The following NRIP3 variants were observed in gnomAD, a reference collection of about 807,000 sequenced individuals.
NRIP3 encodes the protein nuclear receptor-interacting protein 3.
In NRIP3, 31 loss-of-function variants were observed where a neutral mutation model predicts 29.0. The observed-to-expected ratio is 1.07, with a 90% CI of 0.80 to 1.44. NRIP3 has a LOEUF of 1.44. Ranked by LOEUF, NRIP3 falls within the 40% of genes most tolerant of loss-of-function variation. NRIP3 has a pLI of 0.00. For synonymous variants in NRIP3, 131 were observed against 118.3 expected (o/e 1.11, Z -0.70); for missense variants, 314 against 297.9 (o/e 1.05, Z -0.40).
intron 4 of NRIP3, among the ~76,000 whole-genome samples, chr11:8,985,164 ATTTTTTTTTT>A (rs35528175): frequency 1.3e-5 from 1 of 79,378 alleles, no homozygotes; most frequent in East Asian, 3.5e-4. Flanking sequence ...TGCTCCTTGA[ATTTTTTTTTT>A]TTTTTTTTTT....
At chr11:8,995,923 C>A (rs900784706) in intron 1 of NRIP3, among the ~76,000 whole-genome samples, 2 of 152,192 alleles carry the variant, frequency 1.3e-5, no homozygotes, top group African/African-American at 4.8e-5. Flanking sequence ...CACTGGCTGT[C>A]CCCTCTGCCT....
chr11:8,988,260 C>A lies in NRIP3; in HGVS notation c.197G>T (p.Arg66Met). ...AGACAGGTTGGTTTCCATGAGGCGC[C>A]TCTGCAGAATATTATGAGGTTGCTT... ...KDMQPHNILQ[R>M]RLMETNLSKL... The change falls in exon 2 of 7, where the codon AGG becomes ATG. Residue 66 changes from arginine to methionine, a missense_variant. Physicochemically the swap from Arg to Met is moderately conservative, Grantham distance 91. Coordinates refer to ENST00000309166, the MANE Select transcript of NRIP3 (RefSeq NM_020645.3). 1.2e-6 allele frequency: 2 copies of A among 1,613,966 alleles called. No individual in the cohort carries two copies. The highest frequency in any genetic ancestry group is 1.7e-6 in the Non-Finnish European group (2 of 1,179,890).
At chr11:9,002,224 T>C (rs965094035) in intron 1 of NRIP3, among the ~76,000 whole-genome samples, 1 of 152,206 alleles carries the variant, frequency 6.6e-6, no homozygotes. Context: ...TCTTTATTGA[T>C]TGCTGAGCAT....
At position 8,988,107 on chromosome 11, in the gene NRIP3, C is replaced by T. The variant is rs769885200; in HGVS notation, c.339+11G>A. ...CAGAAAACCCTGGAAAAGCTGTTCTCAGAACATTACCTGGCAAGAAACCAA... is the reference window on the plus strand; with the variant it reads ...CAGAAAACCCTGGAAAAGCTGTTCTTAGAACATTACCTGGCAAGAAACCAA... On this transcript the variant is annotated intron_variant, in intron 2 of 6. Coordinates refer to ENST00000309166, the MANE Select transcript of NRIP3 (RefSeq NM_020645.3). 17 of 1,613,572 alleles carry T rather than the reference C, an allele frequency of 1.1e-5. No homozygotes were observed. Among genetic ancestry groups the T allele is most frequent in the Non-Finnish European group, 1.4e-5 (17 of 1,179,666 alleles).
At chr11:9,001,085 A>G (rs1210878013) in intron 1 of NRIP3, among the ~76,000 whole-genome samples, 1 of 152,144 alleles carries the variant, frequency 6.6e-6, no homozygotes, top group Non-Finnish European at 1.5e-5. Context: ...AAAATCAAAT[A>G]TAATATTACT....
At chr11:9,004,168 G>T, upstream of NRIP3, 1 of 367,846 alleles carries the variant, frequency 2.7e-6, no homozygotes. Flanking sequence ...GGCAAAGCCG[G>T]CGAGGAGGCG....
chr11:8,983,167 A>G lies in NRIP3; in HGVS notation c.*378T>C, dbSNP rs1419500435. On this transcript the variant is annotated 3_prime_UTR_variant, in exon 7 of 7. Coordinates refer to ENST00000309166, the MANE Select transcript of NRIP3 (RefSeq NM_020645.3). Reference sequence around the variant, plus strand: ...GGAGGTAAAGGTCAGGTTCCTGTTTATTATACATTTAGCTATAGGAAAAGA... The same window carrying G: ...GGAGGTAAAGGTCAGGTTCCTGTTTGTTATACATTTAGCTATAGGAAAAGA... 1 of 395,086 alleles carries G rather than the reference A, an allele frequency of 2.5e-6. No homozygotes were observed. The highest frequency in any genetic ancestry group is 2.1e-5 in the African/African-American group (1 of 47,996). 24.5% of individuals were successfully genotyped at this position (395,086 alleles called of 1,614,324 possible). A position where few individuals can be genotyped will look rare whatever the true frequency, so the allele number is the denominator to read the frequency against.
chr11:8,997,636 GAACA>G (rs72160329), intron 1 of NRIP3, among the ~76,000 whole-genome samples: 57,916 of 151,574 alleles, frequency 0.38, 11,956 homozygotes, highest in Non-Finnish European at 0.46. Flanking sequence ...TAAAGGAAAT[GAACA>G]CTATGGGAAG....
chr11:8,994,212 G>A (rs1179013583), intron 1 of NRIP3, among the ~76,000 whole-genome samples: 5 of 152,196 alleles, frequency 3.3e-5, no homozygotes, highest in African/African-American at 4.8e-5. Flanking sequence ...TTCAAGAAAT[G>A]AGGAAGGAGG....
At chr11:8,992,780 G>A (rs1241116447) in intron 1 of NRIP3, among the ~76,000 whole-genome samples, 2 of 152,072 alleles carry the variant, frequency 1.3e-5, no homozygotes, top group African/African-American at 4.8e-5. Flanking sequence ...CGGGCGTGGT[G>A]GTGGGTGCCT....
At chr11:8,992,707 G>A (rs1226589200) in intron 1 of NRIP3, among the ~76,000 whole-genome samples, 4 of 152,026 alleles carry the variant, frequency 2.6e-5, no homozygotes, top group African/African-American at 7.2e-5. Flanking sequence ...TCAGGAGTTC[G>A]AGACCAGCCT....
At chr11:9,002,385 G>C (rs1452954134) in intron 1 of NRIP3, among the ~76,000 whole-genome samples, 3 of 151,544 alleles carry the variant, frequency 2.0e-5, no homozygotes, top group Non-Finnish European at 4.4e-5. Context: ...TATCACTCTG[G>C]GTTAGCATAA....
rs886183172 is a variant in NRIP3, at chr11:8,981,432, C to T, written c.*2113G>A. Reference sequence around the variant, plus strand: ...GCAGTGAACCGAGATCGTGCCACTGCACTCCAGCCTGGGCAACAGAGTGAG... The same window carrying T: ...GCAGTGAACCGAGATCGTGCCACTGTACTCCAGCCTGGGCAACAGAGTGAG... On this transcript the variant is annotated 3_prime_UTR_variant, in exon 7 of 7. Coordinates refer to ENST00000309166, the MANE Select transcript of NRIP3 (RefSeq NM_020645.3). The T allele has an allele frequency of 4.1e-5, 6 of 145,552 alleles. No homozygotes were observed. Among genetic ancestry groups the T allele is most frequent in the Non-Finnish European group, 5.9e-5 (4 of 67,396 alleles). 9.0% of individuals were successfully genotyped at this position (145,552 alleles called of 1,614,324 possible).
intron 4 of NRIP3, among the ~76,000 whole-genome samples, chr11:8,984,472 A>T (rs1854478420): frequency 6.6e-6 from 1 of 152,176 alleles, no homozygotes; most frequent in Admixed American, 6.5e-5. Context: ...CATGTTGGCC[A>T]GGCTTCTCTC....
At chr11:8,983,804 G>T in intron 6 of NRIP3, 71 bp downstream of exon 6, 1 of 1,303,756 alleles carries the variant, frequency 7.7e-7, no homozygotes, top group Non-Finnish European at 1.1e-6. Context: ...TCCTGTCTGA[G>T]AACCACCACC....
At chr11:8,991,147 A>G (rs895056693) in intron 1 of NRIP3, among the ~76,000 whole-genome samples, 5 of 152,036 alleles carry the variant, frequency 3.3e-5, no homozygotes, top group African/African-American at 1.2e-4. Flanking sequence ...TAAAAATACA[A>G]AAAATTAGCC....
chr11:8,987,102 G>T (rs1854532193), intron 3 of NRIP3, among the ~76,000 whole-genome samples: 2 of 152,184 alleles, frequency 1.3e-5, no homozygotes, highest in South Asian at 4.1e-4. Flanking sequence ...TCTCAGTTCT[G>T]ATGGATGTTT....
In NRIP3 at chr11:9,003,952, G is replaced by C. The variant is rs1854864336; in HGVS notation, c.-17C>G. ...GTAAAACATCGCTGAGGCGCCGGCGGCCCGGTAGCCCACAGCCCCCCGGCA... is the reference window on the plus strand; with the variant it reads ...GTAAAACATCGCTGAGGCGCCGGCGCCCCGGTAGCCCACAGCCCCCCGGCA... On this transcript the variant is annotated 5_prime_UTR_variant, in exon 1 of 7. Transcript: ENST00000309166. 6.8e-6 allele frequency: 10 copies of C among 1,478,124 alleles called. No homozygotes were observed. The African/African-American group carries it at 7.3e-5, about 11-fold the overall frequency. 91.6% of individuals were successfully genotyped at this position (1,478,124 alleles called of 1,614,324 possible). A position where few individuals can be genotyped will look rare whatever the true frequency, so the allele number is the denominator to read the frequency against.
At chr11:8,993,092 A>G (rs1854637254) in intron 1 of NRIP3, among the ~76,000 whole-genome samples, 1 of 152,210 alleles carries the variant, frequency 6.6e-6, no homozygotes, top group Non-Finnish European at 1.5e-5. Flanking sequence ...AAAGAATCCA[A>G]TAGAGAGGCA....
Sources: allele counts gnomAD v4.1 joint callset (sites outside exome capture counted in the v4.1 genomes callset), GRCh38; gene constraint gnomAD v4.1.1; transcripts MANE v1.5; gene names NCBI Gene and HGNC (gene_info 2026-07-23, HGNC 2026-07-21).